The following MSH3 variants were observed in gnomAD, a reference collection of about 807,000 sequenced individuals.
The protein encoded by MSH3 is DNA mismatch repair protein Msh3.
A neutral mutation model predicts 123.3 loss-of-function variants in MSH3; 106 were observed. That is an observed-to-expected ratio of 0.86 (90% CI 0.73 to 1.01). MSH3 has a LOEUF of 1.01. Ranked by LOEUF, MSH3 falls within the 50% of genes least tolerant of loss-of-function variation. The pLI, the probability that MSH3 is intolerant of heterozygous loss-of-function variation, is 0.00. For missense variants in MSH3, 1,459 were observed against 1,347.6 expected (o/e 1.08, Z -1.29); for synonymous variants, 515 against 481.4 (o/e 1.07, Z -0.91).
intron 2 of MSH3, among the ~76,000 whole-genome samples, chr5:80,664,290 T>A (rs1173881738): frequency 3.3e-5 from 5 of 152,216 alleles, no homozygotes; most frequent in Non-Finnish European, 5.9e-5. Flanking sequence ...GGCAAAGTGA[T>A]GGTGTTTCTG....
chr5:80,757,420 G>C (rs6151772), intron 12 of MSH3, among the ~76,000 whole-genome samples: 7 of 152,188 alleles, frequency 4.6e-5, no homozygotes, highest in Non-Finnish European at 1.0e-4. Context: ...ACTGACAATA[G>C]CTATAGGTCA....
intron 6 of MSH3, among the ~76,000 whole-genome samples, chr5:80,673,742 C>A (rs1247120170): frequency 1.3e-5 from 2 of 151,982 alleles, no homozygotes; most frequent in Admixed American, 6.5e-5. Context: ...TAATGATTGC[C>A]CCTAAATTTA....
chr5:80,654,942 C>G lies in MSH3; in HGVS notation c.215C>G (p.Pro72Arg). 6.7e-7 allele frequency: 1 copy of G among 1,493,186 alleles called. No homozygotes were observed. Among genetic ancestry groups the G allele is most frequent in the Non-Finnish European group, 8.9e-7 (1 of 1,123,178 alleles). 92.5% of individuals were successfully genotyped at this position (1,493,186 alleles called of 1,614,324 possible). The change falls in exon 1 of 24, where the codon CCG (proline) becomes CGG (arginine). Residue 72 changes from proline to arginine, a missense_variant. Transcript: ENST00000265081. The part of the protein sequence containing the change: ...APPAPPAPAF[P>R]PQLPPHIATE... ...CCAGCGCCCCCAGCTCCCGCCTTCC[C>G]GCCCCAGCTGCCGCCGCACATAGTA... is the stretch of plus-strand genomic sequence containing the variant.
Position 80,672,250 on chromosome 5 carries a change from G to T in MSH3, c.799G>T (p.Ala267Ser). The T allele has an allele frequency of 6.2e-7, 1 of 1,609,836 alleles. No individual in the cohort carries two copies. The highest frequency in any genetic ancestry group is 8.5e-7 in the Non-Finnish European group (1 of 1,176,412). Residue 267 changes from alanine to serine, a missense_variant, in exon 5 of 24, where the codon GCC (alanine) becomes TCC (serine). Physicochemically the swap from Ala to Ser is moderately conservative, Grantham distance 99. Coordinates refer to ENST00000265081, the MANE Select transcript of MSH3 (RefSeq NM_002439.5). ...RFFGEDAEIA[A>S]RELNIYCHLD... ...TTCTTTTTTCATTTTTTAGATTGCA[G>T]CCCGAGAGCTCAATATTTATTGCCA... is the stretch of plus-strand genomic sequence containing the variant.
At chr5:80,805,584 C>T (rs937868932) in intron 19 of MSH3, among the ~76,000 whole-genome samples, 1 of 80,528 alleles carries the variant, frequency 1.2e-5, no homozygotes, top group African/African-American at 5.9e-5. Flanking sequence ...TGATGCCCCC[C>T]CCCCCTACCT....
chr5:80,665,605 G>A (rs1749552895), intron 3 of MSH3, among the ~76,000 whole-genome samples: 1 of 152,162 alleles, frequency 6.6e-6, no homozygotes, highest in Admixed American at 6.5e-5. Flanking sequence ...AGGTAATTCT[G>A]AGGTATTGCC....
At chr5:80,832,467 A>G (rs1745436481) in intron 20 of MSH3, among the ~76,000 whole-genome samples, 1 of 152,084 alleles carries the variant, frequency 6.6e-6, no homozygotes, top group Non-Finnish European at 1.5e-5. Context: ...TAAAAATACA[A>G]AACTTATACA....
chr5:80,766,339 CT>C (rs1166492002), intron 13 of MSH3, among the ~76,000 whole-genome samples: 4,803 of 78,450 alleles, frequency 0.061, 41 homozygotes, highest in East Asian at 0.15. Context: ...TGTTTTTTTC[CT>C]TTTTTTTTTT....
chr5:80,670,568 C>T (rs1355963687), intron 4 of MSH3, among the ~76,000 whole-genome samples: 10 of 152,076 alleles, frequency 6.6e-5, no homozygotes, highest in Non-Finnish European at 1.5e-4. Flanking sequence ...ACTTTTTATC[C>T]ATCCAAAGTT....
intron 20 of MSH3, among the ~76,000 whole-genome samples, chr5:80,843,901 A>G (rs1745671773): frequency 6.6e-6 from 1 of 151,596 alleles, no homozygotes; most frequent in African/African-American, 2.4e-5. Flanking sequence ...TATCTCCTTC[A>G]GTTCTGCTCT....
At chr5:80,671,523 C>A (rs968607822) in intron 4 of MSH3, among the ~76,000 whole-genome samples, 2 of 152,192 alleles carry the variant, frequency 1.3e-5, no homozygotes, top group Non-Finnish European at 2.9e-5. Context: ...TAGTTGTCAT[C>A]CCCTAGGCGA....
At chr5:80,785,322 G>A (rs6151830) in intron 17 of MSH3, among the ~76,000 whole-genome samples, 1,534 of 152,190 alleles carry the variant, frequency 0.01, 32 homozygotes, top group African/African-American at 0.035. Flanking sequence ...GTGGTCAGAC[G>A]CGTTACCCAT....
At chr5:80,687,123 AAAT>A (rs1210241734) in intron 8 of MSH3, among the ~76,000 whole-genome samples, 3 of 152,212 alleles carry the variant, frequency 2.0e-5, no homozygotes, top group South Asian at 2.1e-4. Context: ...TATTACTCCT[AAAT>A]AATGATACAC....
intron 20 of MSH3, among the ~76,000 whole-genome samples, chr5:80,837,811 C>T (rs1036514519): frequency 2.0e-5 from 3 of 152,158 alleles, no homozygotes; most frequent in Non-Finnish European, 2.9e-5. Context: ...TTGTGTGAGG[C>T]TGTGGTTAAG....
At chr5:80,675,178 T>G in intron 7 of MSH3, 50 bp downstream of exon 7, 3 of 1,569,960 alleles carry the variant, frequency 1.9e-6, no homozygotes, top group Non-Finnish European at 2.6e-6. Flanking sequence ...ATGGTATCTC[T>G]AAATATGATC....
chr5:80,697,780 C>G (rs1312212089), intron 8 of MSH3, among the ~76,000 whole-genome samples: 13 of 152,066 alleles, frequency 8.5e-5, no homozygotes, highest in Non-Finnish European at 1.8e-4. Context: ...TTTAAGCTCT[C>G]TTAAGATGAG....
At chr5:80,801,549 C>G (rs536921080) in intron 19 of MSH3, among the ~76,000 whole-genome samples, 2 of 152,278 alleles carry the variant, frequency 1.3e-5, no homozygotes, top group Non-Finnish European at 2.9e-5. Context: ...TTGACATCCT[C>G]AAATCCTGGG....
At chr5:80,692,405 T>G (rs772459591) in intron 8 of MSH3, among the ~76,000 whole-genome samples, 1,538 of 29,056 alleles carry the variant, frequency 0.053, 286 homozygotes, top group East Asian at 0.22. Flanking sequence ...TATGTTTAGA[T>G]AGATAAACAT....
intron 8 of MSH3, among the ~76,000 whole-genome samples, chr5:80,694,584 C>CT (rs1174202272): frequency 2.6e-5 from 4 of 151,930 alleles, no homozygotes; most frequent in Non-Finnish European, 4.4e-5. Flanking sequence ...TCCTGATGTT[C>CT]TAAGGTTTCT....
Sources: allele counts gnomAD v4.1 joint callset (sites outside exome capture counted in the v4.1 genomes callset), GRCh38; gene constraint gnomAD v4.1.1; transcripts MANE v1.5; gene names NCBI Gene and HGNC (gene_info 2026-07-23, HGNC 2026-07-21).